The following ANKLE2 variants were observed in gnomAD, a reference collection of about 807,000 sequenced individuals.
ANKLE2 encodes ankyrin repeat and LEM domain containing 2.
ANKLE2 carries 55 observed loss-of-function variants against 84.2 expected under a neutral mutation model. The ratio of observed to expected loss-of-function variants is 0.65; its 90% CI spans 0.53 to 0.82. ANKLE2 has a LOEUF of 0.82. Among genes scored for constraint, ANKLE2 ranks in the 40% least tolerant of loss-of-function variants. The pLI is 0.00. For synonymous variants in ANKLE2, 551 were observed against 486.1 expected (o/e 1.13, Z -1.76); for missense variants, 1,238 against 1,201.9 (o/e 1.03, Z -0.44).
At chr12:132,750,500 A>G in intron 3 of ANKLE2, 143 bp downstream of exon 3, 1 of 792,930 alleles carries the variant, frequency 1.3e-6, no homozygotes, top group Non-Finnish European at 2.0e-6. Flanking sequence ...CATCAGAGCC[A>G]GCATGGCCTC....
At chr12:132,733,855 T>A in intron 10 of ANKLE2, 2 of 426,162 alleles carry the variant, frequency 4.7e-6, no homozygotes, top group Non-Finnish European at 4.7e-6. Context: ...TCAGCTATTA[T>A]GAGTTTTGAG....
chr12:132,760,256 A>G (rs1300385970), intron 1 of ANKLE2: 1 of 152,190 alleles, frequency 6.6e-6, no homozygotes, highest in Non-Finnish European at 1.5e-5. Flanking sequence ...AATTTAGAGT[A>G]AAAACAAACT....
chr12:132,725,743 C>T lies in ANKLE2; in HGVS notation c.*1499G>A, dbSNP rs2043688201. 6.6e-6 allele frequency: 1 copy of T among 152,226 alleles called. No individual in the cohort carries two copies. Among genetic ancestry groups the T allele is most frequent in the Admixed American group, 6.5e-5 (1 of 15,276 alleles). The allele number at this position is 152,226 out of a possible 1,614,324, so 9.4% of individuals were successfully genotyped here. On this transcript the variant is annotated 3_prime_UTR_variant, in exon 13 of 13. Transcript: ENST00000357997. ...CAATATGGTAAGATTTTAGAGAAAA[C>T]AGATCATCACTACGAATATCCATAT...
intron 11 of ANKLE2, 99 bp downstream of exon 11, chr12:132,729,580 G>GGGAGGC (rs2043789897): frequency 2.1e-3 from 62 of 29,878 alleles, no homozygotes; most frequent in South Asian, 7.4e-3. Flanking sequence ...TGAGGGGAGT[G>GGGAGGC]GATGGGTGGG....
At chr12:132,746,242 G>A (rs1245128729) in intron 5 of ANKLE2, among the ~76,000 whole-genome samples, 1 of 151,902 alleles carries the variant, frequency 6.6e-6, no homozygotes, top group Non-Finnish European at 1.5e-5. Flanking sequence ...CCAGCTACTC[G>A]GGAGGCTGAG....
At position 132,748,208 on chromosome 12, in the gene ANKLE2, G is replaced by C; in HGVS notation, c.971C>G (p.Thr324Ser). ...RKAVEKGEED[T>S]FSDLIWSNPR... ...GTTGCTCCAGATAAGGTCAGAAAAG[G>C]TGTCCTCCTCTCCCTTCTCCACAGC... is the stretch of plus-strand genomic sequence containing the variant. The change falls in exon 4 of 13, where the codon ACC (threonine) becomes AGC (serine). Residue 324 changes from threonine to serine, a missense_variant. Transcript: ENST00000357997. The C allele has an allele frequency of 6.2e-7, 1 of 1,614,122 alleles. No individual in the cohort carries two copies.
At chr12:132,735,880 G>T (rs1281930881) in intron 8 of ANKLE2, among the ~76,000 whole-genome samples, 5 of 152,236 alleles carry the variant, frequency 3.3e-5, no homozygotes, top group Non-Finnish European at 7.3e-5. Flanking sequence ...ATCTTTCTCA[G>T]TCACTCTCCC....
At chr12:132,759,627 T>TGTATA (rs2044579452) in intron 1 of ANKLE2, 2 of 127,626 alleles carry the variant, frequency 1.6e-5, no homozygotes, top group African/African-American at 1.1e-4. Flanking sequence ...TCAGTATTTT[T>TGTATA]TTATTTCAGC....
Position 132,747,970 on chromosome 12 carries a change from A to G in ANKLE2, c.1092T>C (p.Ala364=). 6.3e-7 allele frequency: 1 copy of G among 1,597,404 alleles called. No individual in the cohort carries two copies. The highest frequency in any genetic ancestry group is 8.5e-7 in the Non-Finnish European group (1 of 1,175,832). The change falls in exon 5 of 13, where the codon GCT becomes GCC. Residue 364 remains alanine, a synonymous_variant. Transcript: ENST00000357997. The part of the protein sequence containing the change: ...VMHVAAKENQ[A]SICQLTLDVL... The stretch of plus-strand genomic sequence containing the variant: ...CGTCCAGAGTCAGCTGGCAGATGGA[A>G]GCCTGGTTCTCTTTGGCAGCAACAT...
intron 11 of ANKLE2, among the ~76,000 whole-genome samples, chr12:132,729,181 T>A (rs898013212): frequency 7.3e-5 from 11 of 149,876 alleles, no homozygotes; most frequent in African/African-American, 2.7e-4. Context: ...CGAAACCCCA[T>A]CTCTACTAAA....
In ANKLE2 at chr12:132,761,800, G is replaced by A. The variant is rs1056124557; in HGVS notation, c.-2C>T. ...CGCCGCCAGCCGCGGCCACAGCATC[G>A]CCGCCGCCCGGGCCGCAGCCGCCGA... On this transcript the variant is annotated 5_prime_UTR_variant, in exon 1 of 13. Coordinates refer to ENST00000357997, the MANE Select transcript of ANKLE2 (RefSeq NM_015114.3). 9 of 1,082,240 alleles carry A rather than the reference G, an allele frequency of 8.3e-6. No homozygotes were observed. The African/African-American group carries it at 8.4e-5, about 10-fold the overall frequency. 67.0% of individuals were successfully genotyped at this position (1,082,240 alleles called of 1,614,324 possible). A position where few individuals can be genotyped will look rare whatever the true frequency, so the allele number is the denominator to read the frequency against.
Position 132,748,232 on chromosome 12 carries a change from G to A in ANKLE2, c.947C>T (p.Ala316Val), listed in dbSNP as rs1476975843. The change falls in exon 4 of 13, where the codon GCT (alanine) becomes GTT (valine). Residue 316 changes from alanine to valine, a missense_variant. By Grantham distance (64) the Ala-to-Val change is moderately conservative. This residue lies in a region of ANKLE2 where 422 missense variants were observed against 394.5 expected (regional missense o/e 1.07). Transcript: ENST00000357997. ...GGTGTCCTCCTCTCCCTTCTCCACA[G>A]CTTTCCGAAGCTTGGCGGTGAGGTC... is the stretch of plus-strand genomic sequence containing the variant. Reference protein sequence around the residue: ...TQDLTAKLRKAVEKGEEDTFS... With the variant: ...TQDLTAKLRKVVEKGEEDTFS... The A allele has an allele frequency of 1.2e-6, 2 of 1,614,190 alleles. No individual in the cohort carries two copies. The highest frequency in any genetic ancestry group is 8.5e-7 in the Non-Finnish European group (1 of 1,180,040).
Position 132,726,123 on chromosome 12 carries a change from T to C in ANKLE2, c.*1119A>G, listed in dbSNP as rs2043694503. ...AGCAAAAGCATTGGTGGGTTTTCAT[T>C]TTGGATTAAACACTGGAAATGTTCA... On this transcript the variant is annotated 3_prime_UTR_variant, in exon 13 of 13. Transcript: ENST00000357997. 2 of 152,368 alleles carry C rather than the reference T, an allele frequency of 1.3e-5. No homozygotes were observed. 9.4% of individuals were successfully genotyped at this position (152,368 alleles called of 1,614,324 possible).
intron 7 of ANKLE2, among the ~76,000 whole-genome samples, chr12:132,741,129 C>T (rs941655357): frequency 6.6e-6 from 1 of 152,206 alleles, no homozygotes; most frequent in African/African-American, 2.4e-5. Context: ...ACCGATGGAT[C>T]CAGGGATGAG....
At chr12:132,733,087 C>A (rs1267739632) in intron 10 of ANKLE2, among the ~76,000 whole-genome samples, 2 of 131,904 alleles carry the variant, frequency 1.5e-5, no homozygotes, top group Non-Finnish European at 3.2e-5. Flanking sequence ...TGATACGCAC[C>A]GTGTGAAGCT....
In ANKLE2 at chr12:132,730,184, T is replaced by C. The variant is rs749484112; in HGVS notation, c.1978A>G (p.Asn660Asp). The change falls in exon 11 of 13, where the codon AAT (asparagine) becomes GAT (aspartate). Residue 660 changes from asparagine to aspartate, a missense_variant. Around this residue, in one of 3 missense-constraint regions of ANKLE2, gnomAD observed 802 missense variants for 774.5 expected, o/e 1.04. Coordinates refer to ENST00000357997, the MANE Select transcript of ANKLE2 (RefSeq NM_015114.3). ...GCACCGACTGTGGGCGGGCTGTTAT[T>C]TCGAGCTGCATTTTGCCGATTTTTT... ...EIKNRQNAAR[N>D]NSPPTVGAFG... 11 of 1,605,154 alleles carry C rather than the reference T, an allele frequency of 6.9e-6. No individual in the cohort carries two copies. Among genetic ancestry groups the C allele is most frequent in the Non-Finnish European group, 9.4e-6 (11 of 1,175,248 alleles).
intron 1 of ANKLE2, chr12:132,756,817 G>A (rs1220587133): frequency 6.6e-6 from 1 of 151,708 alleles, no homozygotes; most frequent in East Asian, 1.9e-4. Flanking sequence ...TGTAATCCCA[G>A]CTACTCGGGA....
At chr12:132,727,756 G>A (rs2043739700) in intron 12 of ANKLE2, among the ~76,000 whole-genome samples, 1 of 148,882 alleles carries the variant, frequency 6.7e-6, no homozygotes, top group African/African-American at 2.5e-5. Context: ...AAGCTCATGG[G>A]GGTTTCCCGG....
chr12:132,746,833 T>G (rs1375920991), intron 5 of ANKLE2, among the ~76,000 whole-genome samples: 4 of 152,174 alleles, frequency 2.6e-5, no homozygotes, highest in Non-Finnish European at 5.9e-5. Flanking sequence ...CTGTTCCAGT[T>G]GGGGTGTTGG....
Sources: gnomAD v4.1 joint callset for allele counts (sites outside exome capture counted in the v4.1 genomes callset) on GRCh38, gnomAD v4.1.1 for gene constraint, gnomAD v4.1.1 regional missense constraint, MANE v1.5 for transcripts, NCBI Gene and HGNC (gene_info 2026-07-23, HGNC 2026-07-21) for gene names.